Variants in TCF4 observed in about 807,000 individuals in gnomAD.
TCF4 encodes transcription factor 4.
TCF4 carries 3 observed loss-of-function variants against 82.1 expected under a neutral mutation model. The ratio of observed to expected loss-of-function variants is 0.04; its 90% CI spans 0.02 to 0.09. TCF4 has a LOEUF of 0.09. TCF4 is among the 10% of genes least tolerant of loss of function. The pLI is 1.00. For synonymous variants in TCF4, 276 were observed against 309.6 expected (o/e 0.89, Z 1.14); for missense variants, 518 against 852.7 (o/e 0.61, Z 4.89).
chr18:55,245,200 AC>A (rs753786998), intron 15 of TCF4, among the ~76,000 whole-genome samples: 12 of 152,134 alleles, frequency 7.9e-5, no homozygotes, highest in Non-Finnish European at 1.6e-4. Flanking sequence ...CTTACTATGA[AC>A]CCATTTTCAA....
rs76023551 is a variant in TCF4, at chr18:55,276,640, A to G, written c.656-888T>C. On this transcript the variant is annotated intron_variant, in intron 9 of 19. Coordinates refer to ENST00000354452, the MANE Select transcript of TCF4 (RefSeq NM_001083962.2). ...CCAAGCCTAAGGGAAAAGATGATCTACATTACTGCTAAATTCATTCATTTT... is the reference window on the plus strand; with the variant it reads ...CCAAGCCTAAGGGAAAAGATGATCTGCATTACTGCTAAATTCATTCATTTT... Among the ~76,000 whole-genome samples, 888 of 152,322 alleles carry G rather than the reference A, an allele frequency of 5.8e-3. 13 individuals carry two copies. Among genetic ancestry groups the G allele is most frequent in the African/African-American group, 0.02 (848 of 41,580 alleles).
intron 3 of TCF4, among the ~76,000 whole-genome samples, chr18:55,504,252 A>G (rs999103657): frequency 9.9e-5 from 15 of 152,202 alleles, no homozygotes; most frequent in African/African-American, 3.6e-4. Context: ...AAACGTATAC[A>G]TGGGAGAAAA....
At chr18:55,237,458 T>A (rs1172827097) in intron 15 of TCF4, among the ~76,000 whole-genome samples, 1 of 149,342 alleles carries the variant, frequency 6.7e-6, no homozygotes, top group Non-Finnish European at 1.5e-5. Flanking sequence ...AGAGACAAAG[T>A]TGTTCTGACT....
chr18:55,418,553 A>G (rs2094602874), intron 5 of TCF4, among the ~76,000 whole-genome samples: 1 of 152,214 alleles, frequency 6.6e-6, no homozygotes. Flanking sequence ...TTCAACATAC[A>G]TGCTCAAATG....
Position 55,570,665 on chromosome 18 carries a change from T to C in TCF4, c.145+14615A>G, listed in dbSNP as rs1470121615. Among the ~76,000 whole-genome samples the C allele has an allele frequency of 2.6e-5, 4 of 152,186 alleles. No homozygotes were observed. The East Asian group carries it at 5.8e-4, about 22-fold the overall frequency. ...GGGAAGCCAAGGAAGGCAAATTGCTTGAGCTCAGAAGTTCGAGACCAGCCC... is the reference window on the plus strand; with the variant it reads ...GGGAAGCCAAGGAAGGCAAATTGCTCGAGCTCAGAAGTTCGAGACCAGCCC... On this transcript the variant is annotated intron_variant, in intron 3 of 19. Transcript: ENST00000354452.
intron 8 of TCF4, among the ~76,000 whole-genome samples, chr18:55,343,884 G>C (rs994255188): frequency 2.6e-5 from 4 of 151,984 alleles, no homozygotes. Flanking sequence ...ACACATCCGG[G>C]GATAGTAGAA....
At chr18:55,466,313 C>A (rs1216153073) in intron 3 of TCF4, among the ~76,000 whole-genome samples, 1 of 152,072 alleles carries the variant, frequency 6.6e-6, no homozygotes, top group African/African-American at 2.4e-5. Flanking sequence ...CTGGGAAACA[C>A]GGCAAGATTC....
chr18:55,467,562 C>T (rs991874285), intron 3 of TCF4, among the ~76,000 whole-genome samples: 5 of 152,170 alleles, frequency 3.3e-5, no homozygotes, highest in African/African-American at 1.2e-4. Context: ...CCCCACACCA[C>T]CAACAGCAGC....
At chr18:55,401,290 G>C (rs2146427815) in intron 6 of TCF4, 1 of 1,188,598 alleles carries the variant, frequency 8.4e-7, no homozygotes, top group African/African-American at 1.6e-5. Context: ...TTATCCCTAA[G>C]TAATCACACT....
At chr18:55,457,523 T>C (rs1378595957) in intron 5 of TCF4, among the ~76,000 whole-genome samples, 1 of 151,522 alleles carries the variant, frequency 6.6e-6, no homozygotes, top group Non-Finnish European at 1.5e-5. Context: ...ATCTCACTTA[T>C]TGCCCAGGTT....
At chr18:55,351,625 T>C (rs1056980084) in intron 6 of TCF4, among the ~76,000 whole-genome samples, 2 of 152,266 alleles carry the variant, frequency 1.3e-5, no homozygotes, top group Non-Finnish European at 2.9e-5. Context: ...GAATGCCCTC[T>C]TGAGGTCTAT....
intron 11 of TCF4, chr18:55,268,837 T>G (rs2059746451): frequency 6.6e-6 from 1 of 152,158 alleles, no homozygotes; most frequent in Non-Finnish European, 1.5e-5. Flanking sequence ...ACACTGAGTA[T>G]TCTCCCCACC....
intron 16 of TCF4, among the ~76,000 whole-genome samples, chr18:55,233,500 G>A (rs1239979331): frequency 6.6e-6 from 1 of 152,124 alleles, no homozygotes; most frequent in Non-Finnish European, 1.5e-5. Context: ...GACAAAGAGG[G>A]CAAAATCCAA....
chr18:55,379,652 G>T (rs1020065991), intron 6 of TCF4, among the ~76,000 whole-genome samples: 2 of 152,182 alleles, frequency 1.3e-5, no homozygotes, highest in Admixed American at 6.5e-5. Flanking sequence ...AGTTAATTCA[G>T]TTAATTTACT....
intron 9 of TCF4, among the ~76,000 whole-genome samples, chr18:55,278,491 T>A (rs1349370441): frequency 6.6e-6 from 1 of 152,240 alleles, no homozygotes; most frequent in Non-Finnish European, 1.5e-5. Context: ...TCCAAGTGGT[T>A]CATTCTTGAA....
upstream of TCF4, among the ~76,000 whole-genome samples, chr18:55,590,781 C>G (rs2097683946): frequency 6.6e-6 from 1 of 152,166 alleles, no homozygotes; most frequent in African/African-American, 2.4e-5. Context: ...AAACAGTGTT[C>G]CTATAACTTC....
At chr18:55,526,238 T>C (rs2096982350) in intron 3 of TCF4, among the ~76,000 whole-genome samples, 2 of 152,108 alleles carry the variant, frequency 1.3e-5, no homozygotes, top group Non-Finnish European at 2.9e-5. Flanking sequence ...CACTTGCCTA[T>C]CTAAAAAGGG....
intron 3 of TCF4, among the ~76,000 whole-genome samples, chr18:55,561,230 C>A (rs190761526): frequency 1.4e-4 from 21 of 152,334 alleles, no homozygotes; most frequent in Admixed American, 5.2e-4. Flanking sequence ...TCCAATGATA[C>A]AGATTTCCTA....
intron 2 of TCF4, among the ~76,000 whole-genome samples, chr18:55,600,732 C>T (rs1279305012): frequency 1.3e-5 from 2 of 152,210 alleles, no homozygotes; most frequent in Non-Finnish European, 2.9e-5. Flanking sequence ...GTGCAGTTGA[C>T]TGTCCTTATT....
Sources: gnomAD v4.1 joint callset for allele counts (sites outside exome capture counted in the v4.1 genomes callset) on GRCh38, gnomAD v4.1.1 for gene constraint, MANE v1.5 for transcripts, NCBI Gene and HGNC (gene_info 2026-07-23, HGNC 2026-07-21) for gene names.